ANKRD26: variants seen among roughly 807,000 people sequenced by gnomAD.
The protein encoded by ANKRD26 is ankyrin repeat domain-containing protein 26.
A neutral mutation model predicts 208.7 loss-of-function variants in ANKRD26; 141 were observed. That is an observed-to-expected ratio of 0.68 (90% CI 0.59 to 0.78). The LOEUF is 0.78. Ranked by LOEUF, ANKRD26 falls within the 30% of genes least tolerant of loss-of-function variation. The probability of loss-of-function intolerance (pLI) is 0.00; values close to 1 mark genes in which losing one functional copy is unlikely to be tolerated. For missense variants in ANKRD26, 1,889 were observed against 1,938.7 expected (o/e 0.97, Z 0.48); for synonymous variants, 636 against 660.4 (o/e 0.96, Z 0.57).
chr10:26,954,941 T>C, the ANKRD26 span, among the ~76,000 whole-genome samples: 2 of 149,248 alleles, frequency 1.3e-5, no homozygotes, highest in East Asian at 1.9e-4. Flanking sequence ...TCTATAGCAG[T>C]TTTGTGCATC....
chr10:26,990,559 A>C (rs2052468254), downstream of ANKRD26, among the ~76,000 whole-genome samples: 1 of 152,130 alleles, frequency 6.6e-6, no homozygotes, highest in African/African-American at 2.4e-5. Context: ...TGCACCTACA[A>C]GCTGAGAATA....
rs552753256 is a variant in ANKRD26 at position 27,061,126 on chromosome 10, C to T, written c.1462+18G>A. The T allele has an allele frequency of 2.1e-5, 32 of 1,524,386 alleles. No homozygotes were observed. The highest frequency in any genetic ancestry group is 2.7e-5 in the Non-Finnish European group (30 of 1,099,110). 94.4% of individuals were successfully genotyped at this position (1,524,386 alleles called of 1,614,324 possible). Reference sequence around the variant, plus strand: ...TGTAGAATAACAGTTAACAAAAATACGCATTTTTTTTCCATACCCATGTGG... The same window carrying T: ...TGTAGAATAACAGTTAACAAAAATATGCATTTTTTTTCCATACCCATGTGG... On this transcript the variant is annotated intron_variant, in intron 13 of 33. Transcript: ENST00000376087.
At chr10:26,984,981 T>C (rs1282314978) in intron 3 of ANKRD26, among the ~76,000 whole-genome samples, 1 of 152,164 alleles carries the variant, frequency 6.6e-6, no homozygotes, top group East Asian at 1.9e-4. Flanking sequence ...AGTTCCCCTA[T>C]CACTGTGAAG....
rs780089725 is a variant in ANKRD26 at position 27,048,833 on chromosome 10, T to C, written c.1782A>G (p.Gln594=). Residue 594 remains glutamine, a synonymous_variant, in exon 17 of 34, where the codon CAA becomes CAG. Transcript: ENST00000376087. ...ACTCTTTATTTTCCTTCCTGGGAAA[T>C]TGCTGATGATCAGTTTCTCCACTCT... ...KRKSGETDHQ[Q]FPRKENKEYA... 7 of 1,613,280 alleles carry C rather than the reference T, an allele frequency of 4.3e-6. No homozygotes were observed. The South Asian group carries it at 7.7e-5, about 18-fold the overall frequency.
rs1169989924 is a variant in ANKRD26 at position 27,037,215 on chromosome 10, C to T, written c.2668G>A (p.Glu890Lys). Reference sequence around the variant, plus strand: ...GAATTCATTTTCTTTTGAGCCATTTCAATCTCCTTTTGTTTGGAAAGGTGA... The same window carrying T: ...GAATTCATTTTCTTTTGAGCCATTTTAATCTCCTTTTGTTTGGAAAGGTGA... Reference protein sequence around the residue: ...TNHLSKQKEIEMAQKKMNSEN... With the variant: ...TNHLSKQKEIKMAQKKMNSEN... Residue 890 changes from glutamate to lysine, a missense_variant, in exon 23 of 34, where the codon GAA (glutamate) becomes AAA (lysine). Coordinates refer to ENST00000376087, the MANE Select transcript of ANKRD26 (RefSeq NM_014915.3). The T allele has an allele frequency of 1.9e-6, 3 of 1,613,658 alleles. No individual in the cohort carries two copies. In the South Asian group the frequency reaches 3.3e-5, roughly 18 times the overall value.
exon 6 of ANKRD26, among the ~76,000 whole-genome samples, chr10:26,974,274 A>G (rs77723450): frequency 0.018 from 2,782 of 151,434 alleles, 160 homozygotes; most frequent in East Asian, 0.17. Context: ...GTTCTTTTAG[A>G]TTTACCTACA....
intron 25 of ANKRD26, 126 bp from the exon 26 acceptor site, chr10:27,029,482 G>T: frequency 1.1e-6 from 1 of 896,574 alleles, no homozygotes; most frequent in Non-Finnish European, 1.8e-6. Flanking sequence ...ATTGTTTATG[G>T]CTACTTTTGT....
intron 20 of ANKRD26, among the ~76,000 whole-genome samples, chr10:27,041,103 C>T (rs970306700): frequency 8.6e-5 from 13 of 152,018 alleles, no homozygotes; most frequent in African/African-American, 2.9e-4. Flanking sequence ...CCCAGAGACC[C>T]GCTTTCAGAG....
At chr10:26,982,670 T>C (rs1050870903) in intron 4 of ANKRD26, among the ~76,000 whole-genome samples, 4 of 152,108 alleles carry the variant, frequency 2.6e-5, no homozygotes, top group East Asian at 3.8e-4. Flanking sequence ...GCCAGATTTA[T>C]AGCAACATAA....
chr10:27,032,362 C>T (rs998364415), intron 25 of ANKRD26, among the ~76,000 whole-genome samples: 1 of 151,892 alleles, frequency 6.6e-6, no homozygotes, highest in Non-Finnish European at 1.5e-5. Context: ...AGGCCAGGTG[C>T]GGTGGCTCAC....
At chr10:26,989,075 T>C (rs545192920), downstream of ANKRD26, among the ~76,000 whole-genome samples, 1 of 152,120 alleles carries the variant, frequency 6.6e-6, no homozygotes, top group Non-Finnish European at 1.5e-5. Context: ...TGAGAGGGTA[T>C]TAATATCGGG....
intron 9 of ANKRD26, chr10:27,077,107 C>G: frequency 1.8e-6 from 1 of 544,962 alleles, no homozygotes; most frequent in South Asian, 2.3e-5. Flanking sequence ...CAAGAAAATA[C>G]TAGCAAACCG....
Position 26,984,973 on chromosome 10 carries a change from T to C in ANKRD26, c.490-2160A>G, listed in dbSNP as rs181464212. ...TGAAAAACCTGGCCAGTAAAATGAGTTCCCCTATCACTGTGAAGTTCAGAG... is the reference window on the plus strand; with the variant it reads ...TGAAAAACCTGGCCAGTAAAATGAGCTCCCCTATCACTGTGAAGTTCAGAG... On this transcript the variant is annotated intron_variant and NMD_transcript_variant, in intron 3 of 5. Coordinates refer to the ANKRD26 transcript ENST00000674670. Among the ~76,000 whole-genome samples, 14 of 151,946 alleles carry C rather than the reference T, an allele frequency of 9.2e-5. No homozygotes were observed. In the East Asian group the frequency reaches 1.5e-3, roughly 17 times the overall value.
chr10:26,956,798 C>T, the ANKRD26 span, among the ~76,000 whole-genome samples: 2 of 152,126 alleles, frequency 1.3e-5, no homozygotes, highest in African/African-American at 4.8e-5. Context: ...AGCAACAGTA[C>T]CATTTCCCTT....
At position 27,014,480 on chromosome 10, in the gene ANKRD26, A is replaced by G. The variant is rs746300301; in HGVS notation, c.4724+14T>C. On this transcript the variant is annotated intron_variant, in intron 31 of 33. Transcript: ENST00000376087. ...AGCTTAATTTATTTCCTATGATTCT[A>G]TATTTTGACTTACTTGGTTAGTTTA... 13 of 1,511,248 alleles carry G rather than the reference A, an allele frequency of 8.6e-6. No homozygotes were observed. The South Asian group carries it at 1.3e-4, about 15-fold the overall frequency. 93.6% of individuals were successfully genotyped at this position (1,511,248 alleles called of 1,614,324 possible).
chr10:27,079,993 T>TA, intron 6 of ANKRD26: 1 of 306,320 alleles, frequency 3.3e-6, no homozygotes. Flanking sequence ...CTGTCTCTAC[T>TA]AAAAATACAA....
At chr10:27,014,258 A>AGGT (rs2053216362) in intron 31 of ANKRD26, among the ~76,000 whole-genome samples, 1 of 152,094 alleles carries the variant, frequency 6.6e-6, no homozygotes, top group Non-Finnish European at 1.5e-5. Context: ...AGATCCAGTT[A>AGGT]ACTACCTAAG....
intron 9 of ANKRD26, among the ~76,000 whole-genome samples, chr10:27,074,015 A>T (rs561666555): frequency 2.1e-4 from 32 of 152,154 alleles, no homozygotes; most frequent in South Asian, 4.1e-4. Flanking sequence ...AAAATAAATA[A>T]AAAAAAACCC....
intron 29 of ANKRD26, among the ~76,000 whole-genome samples, chr10:27,020,166 C>T (rs2053438200): frequency 6.6e-6 from 1 of 152,096 alleles, no homozygotes; most frequent in Admixed American, 6.5e-5. Context: ...TTATTTTCTC[C>T]TTTTTAGTTG....
Sources: allele counts gnomAD v4.1 joint callset (sites outside exome capture counted in the v4.1 genomes callset), GRCh38; gene constraint gnomAD v4.1.1; transcripts MANE v1.5; gene names NCBI Gene and HGNC (gene_info 2026-07-23, HGNC 2026-07-21).